Variants in MYO7A observed in about 807,000 individuals in gnomAD.
MYO7A encodes myosin VIIA.
MYO7A carries 210 observed loss-of-function variants against 263.8 expected under a neutral mutation model. The ratio of observed to expected loss-of-function variants is 0.80; its 90% CI spans 0.71 to 0.89. MYO7A has a LOEUF of 0.89. MYO7A is among the 40% of genes least tolerant of loss of function. The pLI is 0.00. For synonymous variants in MYO7A, 1,239 were observed against 1,197.3 expected, an observed-to-expected ratio of 1.03 and a Z score of -0.72; for missense variants, 2,820 against 2,968.3, an observed-to-expected ratio of 0.95 and a Z score of 1.16.
rs538588554 is a variant in MYO7A, at chr11:77,212,874, G to A, written c.6355-78G>A. The A allele has an allele frequency of 6.1e-4, 720 of 1,175,816 alleles. 9 individuals carry two copies. The South Asian group carries it at 9.0e-3, about 15-fold the overall frequency. 72.8% of individuals were successfully genotyped at this position (1,175,816 alleles called of 1,614,324 possible). ...GAGAGGCTGACTTTATCCCAGCTGG[G>A]GCCAGGCTTCATTCCTGTCCCCAAA... On this transcript the variant is annotated intron_variant, in intron 46 of 48. Transcript: ENST00000409709.
Position 77,199,579 on chromosome 11 carries a change from G to A in MYO7A, c.4613G>A (p.Cys1538Tyr), listed in dbSNP as rs1426219949. ...TCACTGGGCTGCTCTGATCTTGGCTGTGCTGCGCCTCACTCAGGCTGGGCA... is the reference window on the plus strand; with the variant it reads ...TCACTGGGCTGCTCTGATCTTGGCTATGCTGCGCCTCACTCAGGCTGGGCA... Reference protein sequence around the residue: ...WLSLGCSDLGCAAPHSGWAGL... With the variant: ...WLSLGCSDLGYAAPHSGWAGL... The change falls in exon 35 of 49, where the codon TGT becomes TAT. Residue 1538 changes from cysteine to tyrosine, a missense_variant. Coordinates refer to ENST00000409709, the MANE Select transcript of MYO7A (RefSeq NM_000260.4). 2.6e-6 allele frequency: 4 copies of A among 1,563,380 alleles called. No individual in the cohort carries two copies. The African/African-American group carries it at 4.1e-5, about 16-fold the overall frequency.
At chr11:77,184,835 A>G in intron 27 of MYO7A, 120 bp downstream of exon 27, 2 of 1,479,620 alleles carry the variant, frequency 1.4e-6, no homozygotes, top group South Asian at 1.2e-5. Context: ...GCTGCTAGCT[A>G]GTTGGTGGAG....
intron 15 of MYO7A, among the ~76,000 whole-genome samples, chr11:77,166,706 G>A (rs943040760): frequency 6.6e-6 from 1 of 152,124 alleles, no homozygotes; most frequent in Non-Finnish European, 1.5e-5. Flanking sequence ...CTTCCTGGAG[G>A]GTGCATGAAG....
At position 77,162,297 on chromosome 11, in the gene MYO7A, C is replaced by G. The variant is rs1953075641; in HGVS notation, c.1521C>G (p.Ile507Met). Residue 507 changes from isoleucine to methionine, a missense_variant, in exon 13 of 49, where the codon ATC becomes ATG. By Grantham distance (10) the Ile-to-Met change is conservative (BLOSUM62 1). Transcript: ENST00000409709. The stretch of plus-strand genomic sequence containing the variant: ...TTGCCAACAAGCCCATGAACATCAT[C>G]TCCCTCATCGATGAGGAGAGCAAGT... ...DMIANKPMNI[I>M]SLIDEESKFP... 6.4e-7 allele frequency: 1 copy of G among 1,552,096 alleles called. No homozygotes were observed. The highest frequency in any genetic ancestry group is 2.0e-5 in the Admixed American group (1 of 51,002).
chr11:77,167,068 C>G (rs1010887090), intron 15 of MYO7A, among the ~76,000 whole-genome samples: 22 of 152,210 alleles, frequency 1.4e-4, no homozygotes, highest in Non-Finnish European at 3.1e-4. Flanking sequence ...TCCCGAGCTC[C>G]CACTGTGCTG....
At chr11:77,192,763 G>A (rs1368916942) in intron 31 of MYO7A, among the ~76,000 whole-genome samples, 1 of 108,042 alleles carries the variant, frequency 9.3e-6, no homozygotes, top group Non-Finnish European at 2.0e-5. Context: ...GGATGAGAAA[G>A]GAGGTGGTGG....
intron 22 of MYO7A, 39 bp from the exon 23 acceptor site, chr11:77,181,341 G>A: frequency 2.6e-6 from 4 of 1,522,678 alleles, no homozygotes; most frequent in Non-Finnish European, 3.5e-6. Flanking sequence ...TGGCACCGGG[G>A]GCTGACCCCG....
intron 15 of MYO7A, 103 bp from the exon 16 acceptor site, chr11:77,172,645 C>T (rs2135404545): frequency 6.8e-7 from 1 of 1,465,958 alleles, no homozygotes; most frequent in South Asian, 1.2e-5. Flanking sequence ...GTCCCTCAAA[C>T]CCTGACCCCG....
At chr11:77,172,395 G>A (rs1249237525) in intron 15 of MYO7A, among the ~76,000 whole-genome samples, 1 of 152,182 alleles carries the variant, frequency 6.6e-6, no homozygotes, top group African/African-American at 2.4e-5. Context: ...CCTTTATACA[G>A]GGAAGGGAGG....
chr11:77,156,918 A>G lies in MYO7A; in HGVS notation c.649A>G (p.Ile217Val), dbSNP rs1952522288. Residue 217 changes from isoleucine (I) to valine (V), a missense_variant, in exon 7 of 49, where the codon ATC (isoleucine) becomes GTC (valine). Transcript: ENST00000409709. ...NDNSSRFGKY[I>V]DIHFNKRGAI... ...CAACTCAAGCCGTTTCGGAAAGTACATCGACATCCACTTCAACAAGCGGGG... is the reference window on the plus strand; with the variant it reads ...CAACTCAAGCCGTTTCGGAAAGTACGTCGACATCCACTTCAACAAGCGGGG... 3.1e-6 allele frequency: 5 copies of G among 1,613,888 alleles called. No homozygotes were observed. In the African/African-American group the frequency reaches 4.0e-5, roughly 13 times the overall value.
chr11:77,190,352 C>T (rs139460163), intron 29 of MYO7A, among the ~76,000 whole-genome samples: 182 of 152,334 alleles, frequency 1.2e-3, no homozygotes, highest in African/African-American at 4.0e-3. Context: ...GCTGGCCTTA[C>T]GGTCAAGACG....
rs111033416 is a variant in MYO7A at position 77,172,818 on chromosome 11, G to A, written c.1868G>A (p.Arg623His). The change falls in exon 16 of 49, where the codon CGC (arginine) becomes CAC (histidine). Residue 623 changes from arginine to histidine, a missense_variant. By Grantham distance (29) the Arg-to-His change is conservative (BLOSUM62 0). Transcript: ENST00000409709. ...AAGCGGTCACTGGAGCTGCTGATGC[G>A]CACGCTGGGTGCCTGCCAGCCCTTC... Reference protein sequence around the residue: ...QFKRSLELLMRTLGACQPFFV... With the variant: ...QFKRSLELLMHTLGACQPFFV... 3.5e-4 allele frequency: 551 copies of A among 1,553,612 alleles called. 7 individuals carry two copies. Among genetic ancestry groups the A allele is most frequent in the South Asian group, 3.1e-3 (259 of 84,108 alleles).
At chr11:77,165,470 G>C (rs956597418) in intron 14 of MYO7A, among the ~76,000 whole-genome samples, 3 of 152,156 alleles carry the variant, frequency 2.0e-5, no homozygotes, top group Non-Finnish European at 4.4e-5. Flanking sequence ...TTGCACCAGC[G>C]TCCTGGGTTC....
chr11:77,182,923 G>C, intron 25 of MYO7A, 145 bp from the exon 26 acceptor site: 1 of 773,550 alleles, frequency 1.3e-6, no homozygotes, highest in Non-Finnish European at 2.2e-6. Flanking sequence ...AAGGGTAGGG[G>C]TGAGCAGGTG....
In MYO7A at chr11:77,184,599, G is replaced by C; in HGVS notation, c.3387G>C (p.Arg1129Ser). Residue 1129 changes from arginine (R) to serine (S), a missense_variant, in exon 27 of 49, where the codon AGG (arginine) becomes AGC (serine). Coordinates refer to ENST00000409709, the MANE Select transcript of MYO7A (RefSeq NM_000260.4). ...KSKLTEEVTKRLHDGESTVQG... is the reference protein window; with the variant it reads ...KSKLTEEVTKSLHDGESTVQG... ...TCCCTCTGGCCCAGGTGACCAAGAG[G>C]CTGCATGACGGGGAGTCCACAGTGC... 1 of 1,565,182 alleles carries C rather than the reference G, an allele frequency of 6.4e-7. No individual in the cohort carries two copies. Among genetic ancestry groups the C allele is most frequent in the African/African-American group, 1.4e-5 (1 of 73,834 alleles).
chr11:77,206,124 C>T lies in MYO7A; in HGVS notation c.5664C>T (p.His1888=). ...LRNGSRKYPP[H]LVEVEAIQHK... ...ACGGGTCCCGGAAGTACCCTCCGCACCTGGTGGAGGTGGAGGCCATCCAGC... is the reference window on the plus strand; with the variant it reads ...ACGGGTCCCGGAAGTACCCTCCGCATCTGGTGGAGGTGGAGGCCATCCAGC... The change falls in exon 41 of 49, where the codon CAC becomes CAT. Residue 1888 remains histidine (H), a synonymous_variant. Transcript: ENST00000409709. 6.2e-7 allele frequency: 1 copy of T among 1,613,316 alleles called. No homozygotes were observed. The highest frequency in any genetic ancestry group is 8.5e-7 in the Non-Finnish European group (1 of 1,179,684).
rs1591487013 is a variant in MYO7A, at chr11:77,206,211, C to T, written c.5742+9C>T. 6.2e-7 allele frequency: 1 copy of T among 1,603,400 alleles called. No individual in the cohort carries two copies. The highest frequency in any genetic ancestry group is 8.5e-7 in the Non-Finnish European group (1 of 1,173,146). On this transcript the variant is annotated intron_variant, in intron 41 of 48. Coordinates refer to ENST00000409709, the MANE Select transcript of MYO7A (RefSeq NM_000260.4). ...CTGATGACACTGACGAGGTGAGGGT[C>T]ACCGGCTTCTAGGTCTGCAGTGCCC...
In MYO7A at chr11:77,199,618, C is replaced by T. The variant is rs756854177; in HGVS notation, c.4652C>T (p.Ala1551Val). Reference sequence around the variant, plus strand: ...TCAGGCTGGGCAGGACTGACCCCGGCGGGGCCCTGTTCTCCGTGTTGGTCC... The same window carrying T: ...TCAGGCTGGGCAGGACTGACCCCGGTGGGGCCCTGTTCTCCGTGTTGGTCC... ...PHSGWAGLTP[A>V]GPCSPCWSCR... Residue 1551 changes from alanine (A) to valine (V), a missense_variant, in exon 35 of 49, where the codon GCG becomes GTG. Transcript: ENST00000409709. The T allele has an allele frequency of 3.0e-5, 48 of 1,604,890 alleles. No individual in the cohort carries two copies. Among genetic ancestry groups the T allele is most frequent in the Non-Finnish European group, 3.8e-5 (45 of 1,176,458 alleles).
At chr11:77,203,937 A>T (rs1242680440) in intron 38 of MYO7A, 139 bp from the exon 39 acceptor site, 4 of 928,364 alleles carry the variant, frequency 4.3e-6, no homozygotes, top group Non-Finnish European at 6.4e-6. Flanking sequence ...GGGGCAGATC[A>T]TGCCCATTTT....
Sources: gnomAD v4.1 joint callset for allele counts (sites outside exome capture counted in the v4.1 genomes callset) on GRCh38, gnomAD v4.1.1 for gene constraint, MANE v1.5 for transcripts, NCBI Gene and HGNC (gene_info 2026-07-23, HGNC 2026-07-21) for gene names.